Variants in ZNF169 observed in about 807,000 individuals in gnomAD.
ZNF169 encodes zinc finger protein 169.
A neutral mutation model predicts 12.0 loss-of-function variants in ZNF169; 11 were observed. The ratio of observed to expected loss-of-function variants is 0.92; its 90% CI spans 0.58 to 1.52. The LOEUF is 1.52. ZNF169 is among the 40% of genes most tolerant of loss of function. The pLI, the probability that ZNF169 is intolerant of heterozygous loss-of-function variation, is 0.00. For missense variants in ZNF169, 722 were observed against 744.0 expected (o/e 0.97, Z 0.34); for synonymous variants, 302 against 286.5 (o/e 1.05, Z -0.55).
At chr9:94,278,934 G>T in intron 2 of ZNF169, 89 bp downstream of exon 2, 1 of 1,378,764 alleles carries the variant, frequency 7.3e-7, no homozygotes. Context: ...GTTAGGCAAA[G>T]CCTATCTTGA....
chr9:94,276,328 T>C (rs572974210), intron 1 of ZNF169, among the ~76,000 whole-genome samples: 2 of 151,816 alleles, frequency 1.3e-5, no homozygotes, highest in Non-Finnish European at 2.9e-5. Flanking sequence ...TGCAATGGCG[T>C]GATTTCGGCT....
Position 94,300,085 on chromosome 9 carries a change from T to C in ZNF169, c.527T>C (p.Val176Ala), listed in dbSNP as rs779291974. The change falls in exon 5 of 5, where the codon GTA becomes GCA. Residue 176 changes from valine to alanine, a missense_variant. Physicochemically the swap from Val to Ala is moderately conservative, Grantham distance 64 (BLOSUM62 0). Transcript: ENST00000395395. ...CATCAAGGTGACCCAGTAGAATGGG[T>C]AGAAGGGAACAGAGAAGGAGGAACA... ...SPHQGDPVEW[V>A]EGNREGGTDL... The C allele has an allele frequency of 1.2e-6, 2 of 1,613,804 alleles. No individual in the cohort carries two copies. Among genetic ancestry groups the C allele is most frequent in the Admixed American group, 1.7e-5 (1 of 59,978 alleles).
At chr9:94,262,330 A>G (rs551327671) in intron 1 of ZNF169, among the ~76,000 whole-genome samples, 2 of 152,054 alleles carry the variant, frequency 1.3e-5, no homozygotes, top group African/African-American at 4.8e-5. Context: ...AGATGGGAAA[A>G]GGGGGTTAGG....
intron 1 of ZNF169, among the ~76,000 whole-genome samples, chr9:94,260,254 T>C (rs1830177137): frequency 6.6e-6 from 1 of 152,164 alleles, no homozygotes; most frequent in Non-Finnish European, 1.5e-5. Flanking sequence ...GGTTTCACCA[T>C]GTTGGCAAGG....
chr9:94,286,340 T>C (rs1265148965), intron 2 of ZNF169, among the ~76,000 whole-genome samples: 1 of 152,238 alleles, frequency 6.6e-6, no homozygotes, highest in Admixed American at 6.5e-5. Context: ...TTCACTATAA[T>C]AATCATAGCC....
At chr9:94,297,950 T>G (rs1446929560) in intron 4 of ZNF169, among the ~76,000 whole-genome samples, 2 of 152,066 alleles carry the variant, frequency 1.3e-5, no homozygotes, top group Non-Finnish European at 2.9e-5. Context: ...GCGAATCACT[T>G]GAGGTCAGGA....
Position 94,300,980 on chromosome 9 carries a change from C to T in ZNF169, c.1422C>T (p.Ile474=). The part of the protein sequence containing the change: ...GRGFGQKVTL[I]RHQRTHTGEK... ...GCTTTGGTCAGAAGGTCACCCTCATCAGACACCAGAGGACACACACAGGGG... is the reference window on the plus strand; with the variant it reads ...GCTTTGGTCAGAAGGTCACCCTCATTAGACACCAGAGGACACACACAGGGG... Residue 474 remains isoleucine, a synonymous_variant, in exon 5 of 5, where the codon ATC becomes ATT. Transcript: ENST00000395395. 6.2e-7 allele frequency: 1 copy of T among 1,612,366 alleles called. No homozygotes were observed. Among genetic ancestry groups the T allele is most frequent in the Non-Finnish European group, 8.5e-7 (1 of 1,179,420 alleles).
chr9:94,293,371 C>G (rs1472936259), intron 4 of ZNF169: 3 of 607,756 alleles, frequency 4.9e-6, no homozygotes, highest in Non-Finnish European at 8.6e-6. Context: ...ATCTTCAAAA[C>G]AGTACCTGTC....
intron 1 of ZNF169, among the ~76,000 whole-genome samples, chr9:94,273,583 T>C (rs557483134): frequency 6.2e-5 from 9 of 145,362 alleles, no homozygotes; most frequent in African/African-American, 1.7e-4. Flanking sequence ...TTCTTTCTTT[T>C]TTTTTTTTTT....
intron 1 of ZNF169, among the ~76,000 whole-genome samples, chr9:94,270,658 T>A (rs898041408): frequency 2.7e-5 from 3 of 112,030 alleles, no homozygotes; most frequent in Non-Finnish European, 5.3e-5. Context: ...AATATATTTT[T>A]AAATATATAT....
In ZNF169 at chr9:94,292,325, T is replaced by A. The variant is rs375016435; in HGVS notation, c.34-16T>A. 4 of 1,613,854 alleles carry A rather than the reference T, an allele frequency of 2.5e-6. No individual in the cohort carries two copies. In the African/African-American group the frequency reaches 5.3e-5, roughly 22 times the overall value. Reference sequence around the variant, plus strand: ...TGGCTGGCTGTTGAGTGAGCAGGGATGTGTTTGTGTTACAGGCATTGATGG... The same window carrying A: ...TGGCTGGCTGTTGAGTGAGCAGGGAAGTGTTTGTGTTACAGGCATTGATGG... On this transcript the variant is annotated splice_polypyrimidine_tract_variant and intron_variant, in intron 2 of 4. Coordinates refer to ENST00000395395, the MANE Select transcript of ZNF169 (RefSeq NM_194320.4).
chr9:94,283,352 G>A (rs1830672438), intron 2 of ZNF169, among the ~76,000 whole-genome samples: 1 of 152,148 alleles, frequency 6.6e-6, no homozygotes, highest in African/African-American at 2.4e-5. Context: ...AGGTTGCAAT[G>A]AGCTGAGATC....
At chr9:94,271,460 G>A (rs576043273) in intron 1 of ZNF169, among the ~76,000 whole-genome samples, 6 of 152,056 alleles carry the variant, frequency 3.9e-5, no homozygotes, top group African/African-American at 1.4e-4. Flanking sequence ...AGTGGCTCAC[G>A]CCTGTAATCC....
chr9:94,299,709 G>T (rs1327905354), intron 4 of ZNF169, 106 bp from the exon 5 acceptor site: 2 of 1,489,340 alleles, frequency 1.3e-6, no homozygotes, highest in Admixed American at 2.5e-5. Context: ...GCCCTTGTGG[G>T]TTGGAAGATA....
chr9:94,293,240 A>G (rs1479087078), intron 4 of ZNF169, 171 bp downstream of exon 4: 1 of 644,376 alleles, frequency 1.6e-6, no homozygotes, highest in Admixed American at 2.5e-5. Flanking sequence ...GCCTCCCCCC[A>G]GGACAGGGCA....
chr9:94,259,852 T>C (rs1424858072), intron 1 of ZNF169, among the ~76,000 whole-genome samples: 1 of 152,216 alleles, frequency 6.6e-6, no homozygotes, highest in African/African-American at 2.4e-5. Flanking sequence ...GGCACGCGGC[T>C]TGGGCATCAG....
intron 2 of ZNF169, among the ~76,000 whole-genome samples, chr9:94,284,150 C>T (rs935876075): frequency 2.0e-5 from 3 of 146,388 alleles, no homozygotes; most frequent in South Asian, 2.2e-4. Context: ...AAGGGTCGGG[C>T]GCAGTGGCTC....
chr9:94,278,475 C>G (rs773573896), intron 1 of ZNF169, among the ~76,000 whole-genome samples: 38 of 152,208 alleles, frequency 2.5e-4, no homozygotes, highest in Admixed American at 5.2e-4. Flanking sequence ...TGAGGGCACT[C>G]TGAGGCCTTT....
chr9:94,260,545 A>G (rs1830185461), intron 1 of ZNF169, among the ~76,000 whole-genome samples: 1 of 151,972 alleles, frequency 6.6e-6, no homozygotes, highest in Non-Finnish European at 1.5e-5. Flanking sequence ...TGGGGACCCA[A>G]GTTGGTGAGT....
Sources: allele counts gnomAD v4.1 joint callset (sites outside exome capture counted in the v4.1 genomes callset), GRCh38; gene constraint gnomAD v4.1.1; transcripts MANE v1.5; gene names NCBI Gene and HGNC (gene_info 2026-07-23, HGNC 2026-07-21).